The following CHRNB1 variants were observed in gnomAD, a reference collection of about 807,000 sequenced individuals.
CHRNB1 encodes acetylcholine receptor subunit beta.
CHRNB1 carries 47 observed loss-of-function variants against 53.8 expected under a neutral mutation model. That is an observed-to-expected ratio of 0.87 (90% confidence interval 0.69 to 1.11). The LOEUF is 1.11. CHRNB1 is among the 50% of genes most tolerant of loss of function. The pLI is 0.00. For missense variants in CHRNB1, 605 were observed against 654.9 expected, an observed-to-expected ratio of 0.92 and a Z score of 0.83; for synonymous variants, 259 against 263.5, an observed-to-expected ratio of 0.98 and a Z score of 0.16.
chr17:7,447,349 C>G, intron 5 of CHRNB1, 154 bp from the exon 6 acceptor site: 1 of 968,806 alleles, frequency 1.0e-6, no homozygotes, highest in Non-Finnish European at 1.6e-6. Flanking sequence ...ACTCAGTGAC[C>G]GCCCTCCCCA....
chr17:7,445,396 A>T lies in CHRNB1; in HGVS notation c.185A>T (p.Gln62Leu). The change falls in exon 2 of 11, where the codon CAA (glutamine) becomes CTA (leucine). Residue 62 changes from glutamine to leucine, a missense_variant. Physicochemically the swap from Gln to Leu is moderately radical, Grantham distance 113. Transcript: ENST00000306071. The surrounding 1 kb of genome is among the most constrained non-coding windows in gnomAD (Gnocchi z 5.7). ...VRVSVGLILA[Q>L]LISLNEKDEE... ...GTCAGCGTTGGTCTCATCCTGGCGC[A>T]ACTCATCAGCCTGGTGAGGGCGCGC... The T allele has an allele frequency of 1.9e-6, 3 of 1,611,938 alleles. No homozygotes were observed. The highest frequency in any genetic ancestry group is 2.5e-6 in the Non-Finnish European group (3 of 1,179,612).
intron 5 of CHRNB1, 86 bp downstream of exon 5, chr17:7,447,237 C>G: frequency 9.0e-7 from 1 of 1,114,372 alleles, no homozygotes; most frequent in Non-Finnish European, 1.3e-6. Flanking sequence ...CGACTCCCAT[C>G]CTTCATCCTT....
intron 6 of CHRNB1, among the ~76,000 whole-genome samples, chr17:7,448,070 G>A (rs111288161): frequency 1.8e-5 from 1 of 54,392 alleles, no homozygotes; most frequent in Admixed American, 3.0e-4. Flanking sequence ...GTGAAAGTTC[G>A]TCTCAAAAAA....
At chr17:7,454,938 G>A (rs35479031) in intron 8 of CHRNB1, among the ~76,000 whole-genome samples, 1 of 151,466 alleles carries the variant, frequency 6.6e-6, no homozygotes, top group South Asian at 2.1e-4. Context: ...AAGTAGCTGG[G>A]ATTACAGGCA....
chr17:7,454,978 T>A (rs1382584166), intron 8 of CHRNB1, among the ~76,000 whole-genome samples: 2 of 151,902 alleles, frequency 1.3e-5, no homozygotes, highest in Non-Finnish European at 2.9e-5. Context: ...AATTTTTGTA[T>A]TTTTAGTAGA....
intron 7 of CHRNB1, among the ~76,000 whole-genome samples, chr17:7,449,205 G>A (rs958425261): frequency 6.7e-6 from 1 of 149,392 alleles, no homozygotes; most frequent in East Asian, 2.0e-4. Context: ...CCGGGTTCAC[G>A]CCATTCTCCT....
intron 7 of CHRNB1, among the ~76,000 whole-genome samples, chr17:7,452,656 C>G (rs1348804864): frequency 6.6e-6 from 1 of 152,178 alleles, no homozygotes; most frequent in East Asian, 1.9e-4. Flanking sequence ...TGGCAATCAC[C>G]TGATGACACA....
Position 7,445,390 on chromosome 17 carries a change from T to C in CHRNB1, c.179T>C (p.Leu60Pro). Residue 60 changes from leucine to proline, a missense_variant, in exon 2 of 11, where the codon CTG becomes CCG. Coordinates refer to ENST00000306071, the MANE Select transcript of CHRNB1 (RefSeq NM_000747.3). The surrounding 1 kb of genome is among the most constrained non-coding windows in gnomAD (Gnocchi z 5.7). ...DRVRVSVGLI[L>P]AQLISLNEKD... ...GTCAGGGTCAGCGTTGGTCTCATCC[T>C]GGCGCAACTCATCAGCCTGGTGAGG... The C allele has an allele frequency of 1.9e-6, 3 of 1,612,354 alleles. No individual in the cohort carries two copies. Among genetic ancestry groups the C allele is most frequent in the African/African-American group, 2.7e-5 (2 of 74,954 alleles).
Position 7,445,951 on chromosome 17 carries a change from CGA to C in CHRNB1, c.199-114_199-113del. 1 of 895,250 alleles carries C rather than the reference CGA, an allele frequency of 1.1e-6. No homozygotes were observed. Among genetic ancestry groups the C allele is most frequent in the Non-Finnish European group, 1.9e-6 (1 of 534,514 alleles). 55.5% of individuals were successfully genotyped at this position (895,250 alleles called of 1,614,324 possible). On this transcript the variant is annotated intron_variant, in intron 2 of 10. Coordinates refer to ENST00000306071, the MANE Select transcript of CHRNB1 (RefSeq NM_000747.3). The surrounding 1 kb of genome is among the most constrained non-coding windows in gnomAD (Gnocchi z 5.7). ...CGCTTCTGGGAGGTGGACTTGGACC[CGA>C]GAGGATGGGGCTCAGAAAAAGGGGG...
intron 7 of CHRNB1, among the ~76,000 whole-genome samples, chr17:7,451,334 T>TG (rs1310122107): frequency 7.0e-6 from 1 of 142,882 alleles, no homozygotes; most frequent in Non-Finnish European, 1.5e-5. Context: ...TGGCATGCAG[T>TG]GGCGCGATCT....
Position 7,452,303 on chromosome 17 carries a change from C to A in CHRNB1, c.821-1994C>A, listed in dbSNP as rs182644497. Among the ~76,000 whole-genome samples the A allele has an allele frequency of 2.6e-3, 396 of 152,164 alleles. 3 individuals carry two copies. Among genetic ancestry groups the A allele is most frequent in the African/African-American group, 9.2e-3 (381 of 41,494 alleles). On this transcript the variant is annotated intron_variant, in intron 7 of 10. Coordinates refer to ENST00000306071, the MANE Select transcript of CHRNB1 (RefSeq NM_000747.3). ...GAACTTCTGACCTCAGGTGATCTGA[C>A]CGCCTCAGCCTCCCAAAATGCTAGG... is the stretch of plus-strand genomic sequence containing the variant.
Position 7,455,334 on chromosome 17 carries a change from C to G in CHRNB1, c.1095C>G (p.Pro365=), listed in dbSNP as rs772969489. 6 of 1,614,108 alleles carry G rather than the reference C, an allele frequency of 3.7e-6. No homozygotes were observed. The highest frequency in any genetic ancestry group is 1.6e-4 in the Middle Eastern group (1 of 6,062). ...PLYLRLKRPK[P]ERDLMPEPPH... is the part of the protein sequence containing the mutation. ...ACCTGCGTCTAAAAAGGCCCAAACC[C>G]GAGAGAGACCTGATGCCGGAGCCCC... Residue 365 remains proline (P), a synonymous_variant, in exon 9 of 11, where the codon CCC becomes CCG. Coordinates refer to ENST00000306071, the MANE Select transcript of CHRNB1 (RefSeq NM_000747.3).
rs1909002019 is a variant in CHRNB1, at chr17:7,454,509, T to G, written c.1033T>G (p.Trp345Gly). 6.2e-7 allele frequency: 1 copy of G among 1,613,952 alleles called. No homozygotes were observed. The highest frequency in any genetic ancestry group is 1.7e-5 in the Admixed American group (1 of 59,998). Residue 345 changes from tryptophan to glycine, a missense_variant, in exon 8 of 11, where the codon TGG (tryptophan) becomes GGG (glycine). Coordinates refer to ENST00000306071, the MANE Select transcript of CHRNB1 (RefSeq NM_000747.3). ...RSPHTHQMPL[W>G]VRQIFIHKLP... ...ACCCCACACCCACCAAATGCCCCTT[T>G]GGGTCCGTCAGGTAAGAAAGATCTC...
Position 7,445,978 on chromosome 17 carries a change from G to A in CHRNB1, c.199-91G>A. On this transcript the variant is annotated intron_variant, in intron 2 of 10. Transcript: ENST00000306071. The surrounding 1 kb of genome is among the most constrained non-coding windows in gnomAD (Gnocchi z 5.7). The stretch of plus-strand genomic sequence containing the variant: ...AGAGGATGGGGCTCAGAAAAAGGGG[G>A]CGGCGTTCCCAGGAGAGAGGTTGGC... 8.8e-7 allele frequency: 1 copy of A among 1,142,702 alleles called. No homozygotes were observed. The highest frequency in any genetic ancestry group is 1.7e-5 in the Admixed American group (1 of 58,746). The allele number at this position is 1,142,702 out of a possible 1,614,324, so 70.8% of individuals were successfully genotyped here.
Position 7,448,485 on chromosome 17 carries a change from CCT to C in CHRNB1, c.611-90_611-89del, listed in dbSNP as rs1171432148. The C allele has an allele frequency of 4.2e-6, 5 of 1,178,324 alleles. No individual in the cohort carries two copies. The East Asian group carries it at 1.2e-4, about 29-fold the overall frequency. The allele number at this position is 1,178,324 out of a possible 1,614,324, so 73.0% of individuals were successfully genotyped here. On this transcript the variant is annotated intron_variant, in intron 6 of 10. Coordinates refer to ENST00000306071, the MANE Select transcript of CHRNB1 (RefSeq NM_000747.3). ...TCACAGCTAGTTTCATCAAGTCAGCCCTCTCAGGTCTAGGCTGTGGCAGAGCA... is the reference window on the plus strand; with the variant it reads ...TCACAGCTAGTTTCATCAAGTCAGCCCTCAGGTCTAGGCTGTGGCAGAGCA...
intron 10 of CHRNB1, 75 bp downstream of exon 10, chr17:7,456,016 C>T: frequency 8.4e-7 from 1 of 1,184,302 alleles, no homozygotes; most frequent in Non-Finnish European, 1.2e-6. Flanking sequence ...CACCAGCACT[C>T]GCTTTCGTTT....
intron 3 of CHRNB1, 176 bp downstream of exon 3, chr17:7,446,289 T>C: frequency 1.6e-6 from 1 of 638,124 alleles, no homozygotes; most frequent in Non-Finnish European, 2.8e-6. Flanking sequence ...CCCCATGCAT[T>C]TTTAATTCCA....
chr17:7,457,078 G>A lies in CHRNB1; in HGVS notation c.*355G>A, dbSNP rs1358419697. On this transcript the variant is annotated 3_prime_UTR_variant, in exon 11 of 11. Coordinates refer to ENST00000306071, the MANE Select transcript of CHRNB1 (RefSeq NM_000747.3). The stretch of plus-strand genomic sequence containing the variant: ...CACGCCTGTAATCCCAGCACTTTGG[G>A]AGGCCAAGGCGGGCGGATCACCTGA... The A allele has an allele frequency of 4.6e-5, 13 of 280,102 alleles. No individual in the cohort carries two copies. Among genetic ancestry groups the A allele is most frequent in the Non-Finnish European group, 8.5e-5 (12 of 141,938 alleles). 17.4% of individuals were successfully genotyped at this position (280,102 alleles called of 1,614,324 possible). A position where few individuals can be genotyped will look rare whatever the true frequency, so the allele number is the denominator to read the frequency against.
In CHRNB1 at chr17:7,446,305, GTGTGTGTGTGTGTGTGTGTGTC is replaced by G. The variant is rs1179163980; in HGVS notation, c.243+214_243+235del. ...CCCATGCATTTTTAATTCCAATTTTGTGTGTGTGTGTGTGTGTGTGTCTGTGTGTGTGTGTGTGTGTGTGTGT... is the reference window on the plus strand; with the variant it reads ...CCCATGCATTTTTAATTCCAATTTTGTGTGTGTGTGTGTGTGTGTGTGTGT... On this transcript the variant is annotated intron_variant, in intron 3 of 10. Coordinates refer to ENST00000306071, the MANE Select transcript of CHRNB1 (RefSeq NM_000747.3). The G allele has an allele frequency of 1.8e-3, 612 of 342,190 alleles. 6 individuals carry two copies. The African/African-American group carries it at 0.033, about 18-fold the overall frequency. 21.2% of individuals were successfully genotyped at this position (342,190 alleles called of 1,614,324 possible).
Sources: gnomAD v4.1 joint callset for allele counts (sites outside exome capture counted in the v4.1 genomes callset) on GRCh38, gnomAD v4.1.1 for gene constraint, Gnocchi (gnomAD v3.1) non-coding constraint, MANE v1.5 for transcripts, NCBI Gene and HGNC (gene_info 2026-07-23, HGNC 2026-07-21) for gene names.